Variants in PARP4 observed in about 807,000 individuals in gnomAD.
PARP4 encodes the protein protein mono-ADP-ribosyltransferase PARP4.
A neutral mutation model predicts 187.7 loss-of-function variants in PARP4; 120 were observed. The observed-to-expected ratio is 0.64, with a 90% confidence interval of 0.55 to 0.74. The LOEUF (loss-of-function observed/expected upper bound fraction) is 0.74, where lower values mean the gene tolerates loss of function less well. Among genes scored for constraint, PARP4 ranks in the 30% least tolerant of loss-of-function variants. The probability of loss-of-function intolerance (pLI) is 0.00; values close to 1 mark genes in which losing one functional copy is unlikely to be tolerated. For synonymous variants in PARP4, 654 were observed against 740.9 expected, an observed-to-expected ratio of 0.88 and a Z score of 1.90; for missense variants, 1,836 against 2,070.5, an observed-to-expected ratio of 0.89 and a Z score of 2.20.
At chr13:24,507,081 G>A (rs1201045673) in intron 1 of PARP4, among the ~76,000 whole-genome samples, 2 of 152,340 alleles carry the variant, frequency 1.3e-5, no homozygotes, top group Middle Eastern at 3.4e-3. Context: ...GGGGCCGGCG[G>A]GGCCAGCGGG....
chr13:24,510,631 ATC>A (rs1819530980), intron 1 of PARP4, among the ~76,000 whole-genome samples: 1 of 151,338 alleles, frequency 6.6e-6, no homozygotes, highest in South Asian at 2.1e-4. Context: ...TTTTTGCCAC[ATC>A]TCTGTCATAG....
chr13:24,499,141 T>C (rs1306648235), intron 5 of PARP4, among the ~76,000 whole-genome samples, 160 bp downstream of exon 5: 1 of 151,906 alleles, frequency 6.6e-6, no homozygotes, highest in Non-Finnish European at 1.5e-5. Context: ...AAAATAAATA[T>C]ATAAATAAAA....
In PARP4 at chr13:24,453,672, C is replaced by A; in HGVS notation, c.2759-18G>T. On this transcript the variant is annotated intron_variant, in intron 22 of 33. Transcript: ENST00000381989. ...CTTGTAACCTGTGTAATAAGATCAG[C>A]ATGAGGTGCTGCTTCCACACGTTCA... The A allele has an allele frequency of 6.7e-7, 1 of 1,489,934 alleles. No individual in the cohort carries two copies. The highest frequency in any genetic ancestry group is 1.1e-5 in the South Asian group (1 of 88,178). 92.3% of individuals were successfully genotyped at this position (1,489,934 alleles called of 1,614,324 possible). A position where few individuals can be genotyped will look rare whatever the true frequency, so the allele number is the denominator to read the frequency against.
chr13:24,492,324 T>C (rs1868700623), intron 9 of PARP4, 97 bp downstream of exon 9: 1 of 804,842 alleles, frequency 1.2e-6, no homozygotes, highest in Non-Finnish European at 1.9e-6. Context: ...CTGGAGACAA[T>C]TTCATGATTC....
intron 6 of PARP4, among the ~76,000 whole-genome samples, chr13:24,495,022 C>G (rs1445574207): frequency 6.6e-6 from 1 of 152,054 alleles, no homozygotes; most frequent in African/African-American, 2.4e-5. Context: ...CAGGCATGTG[C>G]CACCACACCT....
intron 33 of PARP4, among the ~76,000 whole-genome samples, chr13:24,423,710 C>A (rs1440851765): frequency 1.3e-5 from 2 of 151,410 alleles, no homozygotes; most frequent in East Asian, 3.9e-4. Flanking sequence ...CAGGGTCTCG[C>A]TTTGTTGCCC....
In PARP4 at chr13:24,462,156, T is replaced by C. The variant is rs377497737; in HGVS notation, c.2134-2020A>G. On this transcript the variant is annotated intron_variant, in intron 17 of 33. Transcript: ENST00000381989. ...GAATGCCCCTGCCCCACCAGGAGCC[T>C]AGTACAGCACATCAAGCAACAGCAG... Among the ~76,000 whole-genome samples the C allele has an allele frequency of 3.9e-5, 6 of 152,216 alleles. No individual in the cohort carries two copies. In the East Asian group the frequency reaches 1.2e-3, roughly 29 times the overall value.
intron 10 of PARP4, among the ~76,000 whole-genome samples, chr13:24,489,333 G>A (rs899883463): frequency 2.6e-5 from 4 of 152,154 alleles, no homozygotes; most frequent in Non-Finnish European, 5.9e-5. Flanking sequence ...CATATGGCTG[G>A]GCGTGGTGGC....
intron 11 of PARP4, among the ~76,000 whole-genome samples, chr13:24,484,950 G>A (rs1379410049): frequency 6.6e-6 from 1 of 152,166 alleles, no homozygotes; most frequent in Non-Finnish European, 1.5e-5. Flanking sequence ...TTCACATTAG[G>A]AGATTGAATG....
At chr13:24,483,402 C>T (rs1204615995) in intron 12 of PARP4, among the ~76,000 whole-genome samples, 10 of 122,090 alleles carry the variant, frequency 8.2e-5, no homozygotes, top group African/African-American at 3.2e-4. Context: ...AGGAGAATGG[C>T]GTGAACCCGG....
Position 24,435,081 on chromosome 13 carries a change from C to A in PARP4, c.4060G>T (p.Ala1354Ser). Residue 1354 changes from alanine (A) to serine (S), a missense_variant, in exon 31 of 34, where the codon GCT becomes TCT. Physicochemically the swap from Ala to Ser is moderately conservative, Grantham distance 99. This residue lies in a region of PARP4 where 450 missense variants were observed against 439.2 expected (regional missense o/e 1.02). Transcript: ENST00000381989. Reference sequence around the variant, plus strand: ...GATGCATCAAACTGTCTGGGAGGAGCAGCTGAACCGAAACTAGCTACCTGA... The same window carrying A: ...GATGCATCAAACTGTCTGGGAGGAGAAGCTGAACCGAAACTAGCTACCTGA... ...YRQVASFGSA[A>S]PPRQFDASQF... is the part of the protein sequence containing the mutation. 6.2e-7 allele frequency: 1 copy of A among 1,614,138 alleles called. No homozygotes were observed.
At chr13:24,428,771 C>T (rs187993057) in intron 32 of PARP4, among the ~76,000 whole-genome samples, 40 of 152,208 alleles carry the variant, frequency 2.6e-4, no homozygotes, top group Non-Finnish European at 2.8e-4. Flanking sequence ...CTGTGCCTGG[C>T]TTATCTTTGG....
intron 33 of PARP4, among the ~76,000 whole-genome samples, chr13:24,425,543 A>G (rs1211366042): frequency 2.8e-5 from 4 of 145,006 alleles, no homozygotes; most frequent in African/African-American, 1.0e-4. Context: ...GCATGTGTGC[A>G]TGTGTGTGTG....
intron 17 of PARP4, among the ~76,000 whole-genome samples, chr13:24,462,352 GTAA>G (rs1020918952): frequency 3.9e-5 from 6 of 152,196 alleles, no homozygotes; most frequent in Admixed American, 3.3e-4. Flanking sequence ...GAGACGGAGA[GTAA>G]TAATAACAAC....
intron 25 of PARP4, 130 bp from the exon 26 acceptor site, chr13:24,447,316 T>G (rs1871265866): frequency 5.7e-6 from 3 of 522,838 alleles, no homozygotes; most frequent in African/African-American, 3.9e-5. Context: ...TCCTTCCTGC[T>G]ACAGGGTACT....
At chr13:24,460,168 C>A in intron 17 of PARP4, 32 bp from the exon 18 acceptor site, 1 of 1,589,470 alleles carries the variant, frequency 6.3e-7, no homozygotes, top group Non-Finnish European at 8.6e-7. Context: ...TAGCTTCCAA[C>A]TTGAAAGCAT....
intron 28 of PARP4, 142 bp from the exon 29 acceptor site, chr13:24,442,827 T>C (rs1871014958): frequency 1.8e-6 from 1 of 560,512 alleles, no homozygotes; most frequent in African/African-American, 1.9e-5. Context: ...CCCTTTAAAA[T>C]GAGATGAACT....
At chr13:24,444,146 G>A (rs1871089653) in intron 27 of PARP4, among the ~76,000 whole-genome samples, 1 of 152,270 alleles carries the variant, frequency 6.6e-6, no homozygotes, top group Admixed American at 6.5e-5. Flanking sequence ...GGTGAAGACT[G>A]CACAATGTGC....
At chr13:24,505,220 T>C (rs984737352) in intron 1 of PARP4, among the ~76,000 whole-genome samples, 3 of 152,062 alleles carry the variant, frequency 2.0e-5, no homozygotes, top group Non-Finnish European at 4.4e-5. Flanking sequence ...AATGCGGCTT[T>C]ATGTGCAGCA....
Sources: gnomAD v4.1 joint callset for allele counts (sites outside exome capture counted in the v4.1 genomes callset) on GRCh38, gnomAD v4.1.1 for gene constraint, gnomAD v4.1.1 regional missense constraint, MANE v1.5 for transcripts, NCBI Gene and HGNC (gene_info 2026-07-23, HGNC 2026-07-21) for gene names.